Variants in CDH13 observed in about 807,000 individuals in gnomAD.
CDH13 encodes the protein cadherin 13.
A neutral mutation model predicts 63.8 loss-of-function variants in CDH13; 24 were observed. The ratio of observed to expected loss-of-function variants is 0.38; its 90% CI spans 0.27 to 0.53. The LOEUF (loss-of-function observed/expected upper bound fraction) is 0.53. CDH13 is among the 20% of genes least tolerant of loss of function. The probability of loss-of-function intolerance (pLI) is 0.85; values close to 1 mark genes in which losing one functional copy is unlikely to be tolerated. For synonymous variants in CDH13, 503 were observed against 355.3 expected (o/e 1.42, Z -4.67); for missense variants, 1,049 against 903.1 (o/e 1.16, Z -2.07).
chr16:82,978,148 C>T (rs986842183), intron 2 of CDH13, among the ~76,000 whole-genome samples: 1 of 152,072 alleles, frequency 6.6e-6, no homozygotes, highest in Non-Finnish European at 1.5e-5. Flanking sequence ...GCAGAGCCTT[C>T]AAGAGGTGGC....
At chr16:82,797,264 C>T (rs1460428481) in intron 1 of CDH13, among the ~76,000 whole-genome samples, 1 of 152,168 alleles carries the variant, frequency 6.6e-6, no homozygotes, top group East Asian at 1.9e-4. Context: ...TATAACCCAG[C>T]TCTTGGAGCC....
chr16:82,669,580 A>C (rs1156601002), intron 1 of CDH13, among the ~76,000 whole-genome samples: 1 of 152,240 alleles, frequency 6.6e-6, no homozygotes, highest in Non-Finnish European at 1.5e-5. Context: ...TTTCTCATTA[A>C]AAGCATTATA....
At chr16:83,703,319 G>A (rs1484079279) in intron 10 of CDH13, among the ~76,000 whole-genome samples, 2 of 152,212 alleles carry the variant, frequency 1.3e-5, no homozygotes, top group African/African-American at 4.8e-5. Context: ...TCAGGAAACA[G>A]ATTTATGTGC....
chr16:83,635,499 A>G (rs1233486128), intron 8 of CDH13, among the ~76,000 whole-genome samples: 6 of 151,720 alleles, frequency 4.0e-5, no homozygotes, highest in Non-Finnish European at 8.8e-5. Flanking sequence ...ACATGCCACC[A>G]TGCCCAGCTA....
At chr16:83,434,693 C>T (rs539333460) in intron 6 of CDH13, among the ~76,000 whole-genome samples, 3 of 151,874 alleles carry the variant, frequency 2.0e-5, no homozygotes, top group Non-Finnish European at 2.9e-5. Flanking sequence ...TGTCCCAGCC[C>T]TGCCGATGTC....
chr16:83,127,461 G>A (rs4782750), intron 4 of CDH13, among the ~76,000 whole-genome samples: 58,684 of 152,072 alleles, frequency 0.39, 12,773 homozygotes, highest in Admixed American at 0.51. Context: ...CGGGCATGGT[G>A]GTTCACGCCT....
intron 2 of CDH13, among the ~76,000 whole-genome samples, chr16:83,031,610 C>G (rs1366781520): frequency 6.6e-6 from 1 of 151,850 alleles, no homozygotes; most frequent in Non-Finnish European, 1.5e-5. Flanking sequence ...TCTTCAATAC[C>G]CAGCTCAAAT....
intron 1 of CDH13, among the ~76,000 whole-genome samples, chr16:82,751,703 TAAAA>T (rs33998437): frequency 7.1e-6 from 1 of 139,920 alleles, no homozygotes; most frequent in Non-Finnish European, 1.6e-5. Context: ...GGAAAACAGG[TAAAA>T]AAAAAAAAAA....
intron 4 of CDH13, among the ~76,000 whole-genome samples, chr16:83,216,576 AAT>A (rs1221779122): frequency 2.1e-5 from 3 of 143,482 alleles, no homozygotes; most frequent in South Asian, 2.2e-4. Context: ...TGTAGGGTTT[AAT>A]ATATATATTA....
intron 7 of CDH13, among the ~76,000 whole-genome samples, chr16:83,505,590 C>T (rs1316132491): frequency 7.9e-6 from 1 of 126,302 alleles, no homozygotes; most frequent in Non-Finnish European, 1.6e-5. Flanking sequence ...GTTGCCCAGG[C>T]TGGAGTGCAA....
intron 2 of CDH13, among the ~76,000 whole-genome samples, chr16:82,904,917 C>T (rs1176778250): frequency 6.6e-6 from 1 of 152,084 alleles, no homozygotes; most frequent in Non-Finnish European, 1.5e-5. Context: ...TAGGTTTCTC[C>T]CATGGAGTGC....
chr16:82,827,229 G>C (rs2038298659), intron 1 of CDH13, among the ~76,000 whole-genome samples: 1 of 152,214 alleles, frequency 6.6e-6, no homozygotes, highest in Admixed American at 6.5e-5. Flanking sequence ...CAGACAGAGA[G>C]AGAGTGGCAT....
At chr16:82,715,770 G>C (rs1040584965) in intron 1 of CDH13, among the ~76,000 whole-genome samples, 1 of 152,144 alleles carries the variant, frequency 6.6e-6, no homozygotes, top group African/African-American at 2.4e-5. Context: ...AAGCAGCGAT[G>C]ATGGGGTTTT....
At chr16:82,886,561 A>ACTT (rs2040892309) in intron 2 of CDH13, among the ~76,000 whole-genome samples, 1 of 149,316 alleles carries the variant, frequency 6.7e-6, no homozygotes, top group Non-Finnish European at 1.5e-5. Context: ...TATTTGTGCA[A>ACTT]TTTTTTTTTT....
chr16:82,916,906 A>T (rs2042007675), intron 2 of CDH13, among the ~76,000 whole-genome samples: 1 of 152,232 alleles, frequency 6.6e-6, no homozygotes, highest in African/African-American at 2.4e-5. Context: ...AATTGACCAA[A>T]GTTCTGGTTA....
chr16:82,798,358 A>G (rs1305748500), intron 1 of CDH13, among the ~76,000 whole-genome samples: 1 of 152,126 alleles, frequency 6.6e-6, no homozygotes, highest in East Asian at 1.9e-4. Flanking sequence ...ACTACCTAAA[A>G]TATTCATGCA....
intron 1 of CDH13, among the ~76,000 whole-genome samples, chr16:82,809,075 A>G (rs188026733): frequency 2.6e-5 from 4 of 152,232 alleles, no homozygotes; most frequent in Admixed American, 2.6e-4. Flanking sequence ...TTTGTATATC[A>G]GTGTATGTAT....
intron 2 of CDH13, among the ~76,000 whole-genome samples, chr16:82,960,828 T>A (rs560720392): frequency 1.3e-5 from 2 of 152,284 alleles, no homozygotes; most frequent in East Asian, 3.9e-4. Context: ...TTAAAAAAAA[T>A]TATTGTTAAT....
chr16:83,112,313 C>G (rs1465993041), intron 3 of CDH13, among the ~76,000 whole-genome samples: 1 of 152,176 alleles, frequency 6.6e-6, no homozygotes, highest in African/African-American at 2.4e-5. Context: ...TGAAGACATT[C>G]AGAGATCCAG....
Sources: gnomAD v4.1 joint callset for allele counts (sites outside exome capture counted in the v4.1 genomes callset) on GRCh38, gnomAD v4.1.1 for gene constraint, MANE v1.5 for transcripts, NCBI Gene and HGNC (gene_info 2026-07-23, HGNC 2026-07-21) for gene names.